Variants in KCNH1 observed in about 807,000 individuals in gnomAD.
KCNH1 encodes potassium voltage-gated channel subfamily H member 1.
In KCNH1, 27 loss-of-function variants were observed where a neutral mutation model predicts 69.2. The observed-to-expected ratio is 0.39, with a 90% confidence interval of 0.29 to 0.54. The LOEUF (loss-of-function observed/expected upper bound fraction) is 0.54. Ranked by LOEUF, KCNH1 falls within the 20% of genes least tolerant of loss-of-function variation. KCNH1 has a pLI of 0.68. For missense variants in KCNH1, 798 were observed against 1,261.6 expected (o/e 0.63, Z 5.57); for synonymous variants, 456 against 487.7 (o/e 0.93, Z 0.86).
intron 7 of KCNH1, among the ~76,000 whole-genome samples, chr1:210,910,257 C>T (rs1292705117): frequency 8.5e-6 from 1 of 117,300 alleles, no homozygotes; most frequent in Non-Finnish European, 1.6e-5. Flanking sequence ...AGTAAACAGT[C>T]AGAGGTGGTC....
chr1:210,751,431 A>T (rs866653162), intron 10 of KCNH1, among the ~76,000 whole-genome samples: 22 of 152,350 alleles, frequency 1.4e-4, no homozygotes, highest in Middle Eastern at 3.4e-3. Context: ...TTCAATTTTA[A>T]GAATTTTAGC....
chr1:210,799,811 A>G (rs576781044), intron 8 of KCNH1, among the ~76,000 whole-genome samples: 9 of 152,292 alleles, frequency 5.9e-5, no homozygotes, highest in African/African-American at 2.2e-4. Flanking sequence ...GAAGACTTTC[A>G]GCCTCCTTCA....
chr1:210,925,949 A>G (rs989924814), intron 6 of KCNH1, among the ~76,000 whole-genome samples: 1 of 152,198 alleles, frequency 6.6e-6, no homozygotes, highest in African/African-American at 2.4e-5. Flanking sequence ...TCCTGGCTGG[A>G]GGCCAACCAA....
At chr1:210,710,386 T>C (rs1682041591) in intron 10 of KCNH1, among the ~76,000 whole-genome samples, 1 of 151,838 alleles carries the variant, frequency 6.6e-6, no homozygotes, top group East Asian at 1.9e-4. Flanking sequence ...TACAGGGAAG[T>C]AGAAATGGGT....
In KCNH1 at chr1:210,788,685, CTTTTTTTT is replaced by C. The variant is rs139485350; in HGVS notation, c.1915+8815_1915+8822del. Among the ~76,000 whole-genome samples, 24 of 80,722 alleles carry C rather than the reference CTTTTTTTT, an allele frequency of 3.0e-4. 1 individual carries two copies. Among genetic ancestry groups the C allele is most frequent in the African/African-American group, 4.5e-4 (9 of 20,196 alleles). The allele number at this position is 80,722 out of a possible 152,430, so 53.0% of individuals were successfully genotyped here. A position where few individuals can be genotyped will look rare whatever the true frequency, so the allele number is the denominator to read the frequency against. Reference sequence around the variant, plus strand: ...AGATTATTCATATTATAGCTTCTTTCTTTTTTTTTTTTTTTTTTTTTTTTTTTTTGAGA... The same window carrying C: ...AGATTATTCATATTATAGCTTCTTTCTTTTTTTTTTTTTTTTTTTTTGAGA... On this transcript the variant is annotated intron_variant, in intron 9 of 10. Coordinates refer to ENST00000271751, the MANE Select transcript of KCNH1 (RefSeq NM_172362.3).
chr1:210,957,739 A>T, intron 6 of KCNH1, among the ~76,000 whole-genome samples: 1 of 152,058 alleles, frequency 6.6e-6, no homozygotes, highest in Non-Finnish European at 1.5e-5. Context: ...ATTGCAACCC[A>T]TGCTTTTTTT....
Position 210,970,816 on chromosome 1 carries a change from G to T in KCNH1, c.1032+47967C>A, listed in dbSNP as rs1371571349. Among the ~76,000 whole-genome samples, 11 of 152,252 alleles carry T rather than the reference G, an allele frequency of 7.2e-5. No individual in the cohort carries two copies. The South Asian group carries it at 2.3e-3, about 32-fold the overall frequency. ...GATCTAATTAAACTAAAGAGCTCCTGCACAGCAAAAGAAACTCATCAGAGA... is the reference window on the plus strand; with the variant it reads ...GATCTAATTAAACTAAAGAGCTCCTTCACAGCAAAAGAAACTCATCAGAGA... On this transcript the variant is annotated intron_variant, in intron 6 of 10. Coordinates refer to ENST00000271751, the MANE Select transcript of KCNH1 (RefSeq NM_172362.3).
chr1:211,035,622 G>T (rs1689883566), intron 5 of KCNH1, among the ~76,000 whole-genome samples: 1 of 152,132 alleles, frequency 6.6e-6, no homozygotes, highest in South Asian at 2.1e-4. Context: ...GGCTATGAGT[G>T]ATTCCAGTAA....
chr1:210,918,122 G>A (rs965331419), intron 7 of KCNH1, among the ~76,000 whole-genome samples: 1 of 152,122 alleles, frequency 6.6e-6, no homozygotes, highest in African/African-American at 2.4e-5. Flanking sequence ...CAGACATGAT[G>A]AGACTGTTGC....
chr1:211,071,511 ATTAC>A (rs2102458136), intron 5 of KCNH1, among the ~76,000 whole-genome samples: 2 of 152,340 alleles, frequency 1.3e-5, no homozygotes, highest in African/African-American at 4.8e-5. Context: ...CTACAAAACT[ATTAC>A]AGTAGTAAAG....
chr1:210,917,225 G>GAGAGAA (rs1687356903), intron 7 of KCNH1, among the ~76,000 whole-genome samples: 1 of 80,596 alleles, frequency 1.2e-5, no homozygotes, highest in Non-Finnish European at 2.5e-5. Flanking sequence ...GAGAGAGAGA[G>GAGAGAA]AGAGAGAAAG....
At position 211,007,730 on chromosome 1, in the gene KCNH1, C is replaced by CA. The variant is rs1363967906; in HGVS notation, c.1032+11052dup. ...CAGTGGCTTCTATAACTTCCAGTGTCATTTTCCTACCTCTGAGAATGTGCC... is the reference window on the plus strand; with the variant it reads ...CAGTGGCTTCTATAACTTCCAGTGTCAATTTTCCTACCTCTGAGAATGTGCC... On this transcript the variant is annotated intron_variant, in intron 6 of 10. Coordinates refer to ENST00000271751, the MANE Select transcript of KCNH1 (RefSeq NM_172362.3). Among the ~76,000 whole-genome samples the CA allele has an allele frequency of 4.6e-5, 7 of 152,292 alleles. No homozygotes were observed. The East Asian group carries it at 7.7e-4, about 17-fold the overall frequency.
chr1:210,949,361 C>G (rs868811206), intron 6 of KCNH1, among the ~76,000 whole-genome samples: 3 of 152,300 alleles, frequency 2.0e-5, no homozygotes, highest in Middle Eastern at 3.4e-3. Flanking sequence ...TGTCTTTAAC[C>G]CTGTCAGCCC....
At position 210,684,119 on chromosome 1, in the gene KCNH1, C is replaced by T; in HGVS notation, c.2132G>A (p.Ser711Asn). 2 of 1,509,610 alleles carry T rather than the reference C, an allele frequency of 1.3e-6. No homozygotes were observed. The highest frequency in any genetic ancestry group is 1.8e-6 in the Non-Finnish European group (2 of 1,129,488). 93.5% of individuals were successfully genotyped at this position (1,509,610 alleles called of 1,614,324 possible). ...TTCTTCCTCTTCACGTTTCACATCGCTGATCTTCCGGAACACAATCTGGAG... is the reference window on the plus strand; with the variant it reads ...TTCTTCCTCTTCACGTTTCACATCGTTGATCTTCCGGAACACAATCTGGAG... ...LRKRIVFRKI[S>N]DVKREEEERM... The change falls in exon 11 of 11, where the codon AGC becomes AAC. Residue 711 changes from serine to asparagine, a missense_variant. By Grantham distance (46) the Ser-to-Asn change is conservative (BLOSUM62 1). Transcript: ENST00000271751.
At chr1:210,719,539 C>T (rs552679864) in intron 10 of KCNH1, among the ~76,000 whole-genome samples, 3 of 152,076 alleles carry the variant, frequency 2.0e-5, no homozygotes, top group African/African-American at 7.2e-5. Context: ...ACACCAGGGC[C>T]TGTTGGGGAG....
intron 1 of KCNH1, among the ~76,000 whole-genome samples, chr1:211,116,115 A>G (rs1408832561): frequency 6.6e-6 from 1 of 152,148 alleles, no homozygotes; most frequent in African/African-American, 2.4e-5. Context: ...CAGCCTGGGC[A>G]ACAGAGCAAG....
intron 3 of KCNH1, among the ~76,000 whole-genome samples, chr1:211,098,558 T>C (rs1329697712): frequency 6.6e-6 from 1 of 152,126 alleles, no homozygotes; most frequent in Non-Finnish European, 1.5e-5. Context: ...AGGACAAATA[T>C]TAATGCTTAT....
chr1:210,720,579 T>C (rs961653388), intron 10 of KCNH1, among the ~76,000 whole-genome samples: 16 of 152,208 alleles, frequency 1.1e-4, no homozygotes. Context: ...ATTTTAATTA[T>C]ATATAATGGG....
At chr1:210,768,136 C>T (rs1046461991) in intron 10 of KCNH1, among the ~76,000 whole-genome samples, 1 of 152,138 alleles carries the variant, frequency 6.6e-6, no homozygotes, top group Non-Finnish European at 1.5e-5. Flanking sequence ...CTTTTAGCAC[C>T]TGATGGGATC....
Sources: gnomAD v4.1 joint callset for allele counts (sites outside exome capture counted in the v4.1 genomes callset) on GRCh38, gnomAD v4.1.1 for gene constraint, MANE v1.5 for transcripts, NCBI Gene and HGNC (gene_info 2026-07-23, HGNC 2026-07-21) for gene names.